TMPRSS5: variants seen among roughly 807,000 people sequenced by gnomAD.
TMPRSS5 encodes transmembrane serine protease 5, also known as transmembrane protease serine 5.
A neutral mutation model predicts 59.7 loss-of-function variants in TMPRSS5; 45 were observed. The observed-to-expected ratio is 0.75, with a 90% CI of 0.59 to 0.97. TMPRSS5 has a LOEUF of 0.97. Among genes scored for constraint, TMPRSS5 ranks in the 50% least tolerant of loss-of-function variants. The probability of loss-of-function intolerance (pLI) is 0.00; values close to 1 mark genes in which losing one functional copy is unlikely to be tolerated. For synonymous variants in TMPRSS5, 225 were observed against 232.0 expected (o/e 0.97, Z 0.27); for missense variants, 585 against 596.7 (o/e 0.98, Z 0.20).
chr11:113,694,673 G>A (rs1279922293), intron 7 of TMPRSS5, 33 bp from the exon 8 acceptor site: 1 of 1,513,980 alleles, frequency 6.6e-7, no homozygotes. Context: ...TAGAAAGAGA[G>A]AGAGAGGTGA....
Position 113,690,240 on chromosome 11 carries a change from A to G in TMPRSS5, c.1197T>C (p.Asp399=). The change falls in exon 11 of 13, where the codon GAT becomes GAC. Residue 399 remains aspartate (D), a synonymous_variant. Transcript: ENST00000299882. Reference sequence around the variant, plus strand: ...CCACCACAGGCCACACCTGGCATGCATCAGCCCTTCCGTCCAGGTAGCCAG... The same window carrying G: ...CCACCACAGGCCACACCTGGCATGCGTCAGCCCTTCCGTCCAGGTAGCCAG... The part of the protein sequence containing the change: ...LCAGYLDGRA[D]ACQGDSGGPL... 1 of 1,515,330 alleles carries G rather than the reference A, an allele frequency of 6.6e-7. No individual in the cohort carries two copies. Among genetic ancestry groups the G allele is most frequent in the Non-Finnish European group, 8.9e-7 (1 of 1,127,820 alleles). The allele number at this position is 1,515,330 out of a possible 1,614,324, so 93.9% of individuals were successfully genotyped here.
chr11:113,699,493 T>C, intron 3 of TMPRSS5, 102 bp downstream of exon 3: 1 of 921,254 alleles, frequency 1.1e-6, no homozygotes, highest in South Asian at 1.6e-5. Flanking sequence ...CTGCACAGAG[T>C]AGTTGAGGAA....
At chr11:113,694,283 A>C (rs1369649714) in intron 8 of TMPRSS5, 195 bp downstream of exon 8, 3 of 451,072 alleles carry the variant, frequency 6.7e-6, no homozygotes, top group Non-Finnish European at 1.2e-5. Flanking sequence ...TAAAGAACAA[A>C]TCTTCATATT....
intron 12 of TMPRSS5, 92 bp from the exon 13 acceptor site, chr11:113,688,366 CT>C: frequency 1.2e-6 from 1 of 860,340 alleles, no homozygotes; most frequent in Non-Finnish European, 1.9e-6. Context: ...CATGCAGGGC[CT>C]TGATTTTCAC....
intron 8 of TMPRSS5, chr11:113,693,672 C>T: frequency 6.3e-6 from 1 of 159,802 alleles, no homozygotes; most frequent in Non-Finnish European, 1.4e-5. Context: ...ACTCTCTGCC[C>T]TGTCCGGCAC....
chr11:113,698,864 T>G (rs1953004422), intron 4 of TMPRSS5, 41 bp downstream of exon 4: 1 of 1,563,268 alleles, frequency 6.4e-7, no homozygotes, highest in East Asian at 2.4e-5. Flanking sequence ...GACAGGTCCC[T>G]GCTGGGGAGG....
At position 113,693,259 on chromosome 11, in the gene TMPRSS5, G is replaced by A; in HGVS notation, c.786-10C>T. On this transcript the variant is annotated splice_polypyrimidine_tract_variant and intron_variant, in intron 8 of 12. Transcript: ENST00000299882. ...GCGGGCCAGCCTGAAACTGCACACA[G>A]GGGCCATGCTGAGCGGGGAAGGAAG... is the stretch of plus-strand genomic sequence containing the variant. 1 of 1,540,974 alleles carries A rather than the reference G, an allele frequency of 6.5e-7. No homozygotes were observed. Among genetic ancestry groups the A allele is most frequent in the Non-Finnish European group, 8.8e-7 (1 of 1,142,132 alleles).
chr11:113,705,652 G>A (rs1426890632), intron 1 of TMPRSS5, among the ~76,000 whole-genome samples: 1 of 152,242 alleles, frequency 6.6e-6, no homozygotes, highest in East Asian at 1.9e-4. Context: ...CCATAAGATA[G>A]TAGAGAAGCA....
intron 5 of TMPRSS5, 111 bp downstream of exon 5, chr11:113,697,172 T>C: frequency 6.8e-7 from 1 of 1,476,688 alleles, no homozygotes; most frequent in Non-Finnish European, 9.2e-7. Context: ...AAAAGACCTC[T>C]TGACATTTCC....
At chr11:113,689,045 G>A (rs1428979912) in intron 12 of TMPRSS5, among the ~76,000 whole-genome samples, 3 of 152,162 alleles carry the variant, frequency 2.0e-5, no homozygotes, top group African/African-American at 2.4e-5. Flanking sequence ...GATGAATGAT[G>A]GTAACAGATA....
At chr11:113,697,967 G>T (rs1437436949) in intron 4 of TMPRSS5, among the ~76,000 whole-genome samples, 4 of 152,166 alleles carry the variant, frequency 2.6e-5, no homozygotes, top group Non-Finnish European at 5.9e-5. Context: ...CCTTTAAGAA[G>T]GTGATTAAGG....
intron 10 of TMPRSS5, among the ~76,000 whole-genome samples, chr11:113,690,580 A>T (rs1952746789): frequency 6.6e-6 from 1 of 151,944 alleles, no homozygotes; most frequent in South Asian, 2.1e-4. Flanking sequence ...TCACACATAC[A>T]CCAAATGTGA....
chr11:113,687,913 C>T lies in TMPRSS5; in HGVS notation c.*347G>A, dbSNP rs1465844275. On this transcript the variant is annotated 3_prime_UTR_variant, in exon 13 of 13. Coordinates refer to ENST00000299882, the MANE Select transcript of TMPRSS5 (RefSeq NM_030770.4). ...ACACAGGGGCAGGGAGGGGAGAGGG[C>T]AGAAGGGCAGGCTTCCTGCTGCTTC... 3.9e-6 allele frequency: 1 copy of T among 254,650 alleles called. No homozygotes were observed. Among genetic ancestry groups the T allele is most frequent in the Non-Finnish European group, 7.4e-6 (1 of 135,870 alleles). 15.8% of individuals were successfully genotyped at this position (254,650 alleles called of 1,614,324 possible).
chr11:113,698,020 AGT>A (rs753370923), intron 4 of TMPRSS5, among the ~76,000 whole-genome samples: 2 of 152,198 alleles, frequency 1.3e-5, no homozygotes, highest in Non-Finnish European at 2.9e-5. Context: ...CAATAGAGCC[AGT>A]GTCCTTATAA....
chr11:113,700,256 A>AC, intron 1 of TMPRSS5, 88 bp from the exon 2 acceptor site: 1 of 1,207,350 alleles, frequency 8.3e-7, no homozygotes, highest in East Asian at 2.7e-5. Flanking sequence ...CCATTCTTTA[A>AC]CCCCAGCCAT....
rs1182483701 is a variant in TMPRSS5, at chr11:113,689,890, G to A, written c.1234C>T (p.Pro412Ser). The change falls in exon 12 of 13, where the codon CCA (proline) becomes TCA (serine). Residue 412 changes from proline to serine, a missense_variant. By Grantham distance (74) the Pro-to-Ser change is moderately conservative. Transcript: ENST00000299882. The part of the protein sequence containing the change: ...QGDSGGPLVC[P>S]DGDTWRLVGV... ...ACTAGGCGCCATGTGTCCCCATCTG[G>A]GCACACTAGGGGGCCCCCGCTATCT... 4 of 1,569,288 alleles carry A rather than the reference G, an allele frequency of 2.5e-6. No individual in the cohort carries two copies. The highest frequency in any genetic ancestry group is 3.5e-6 in the Non-Finnish European group (4 of 1,157,306).
chr11:113,694,433 A>C, intron 8 of TMPRSS5, 45 bp downstream of exon 8: 1 of 1,544,036 alleles, frequency 6.5e-7, no homozygotes, highest in Non-Finnish European at 8.8e-7. Flanking sequence ...GCCGAACAGA[A>C]AGGGCAACTG....
chr11:113,695,502 T>A, intron 6 of TMPRSS5, 59 bp from the exon 7 acceptor site: 1 of 1,566,472 alleles, frequency 6.4e-7, no homozygotes, highest in Middle Eastern at 1.7e-4. Context: ...GCCACACACA[T>A]CCAAGGACGT....
intron 7 of TMPRSS5, 110 bp from the exon 8 acceptor site, chr11:113,694,750 C>CT: frequency 1.8e-6 from 2 of 1,097,948 alleles, no homozygotes; most frequent in Non-Finnish European, 2.5e-6. Context: ...CCAGTGTGGA[C>CT]AGCTCTCCTT....
Sources: gnomAD v4.1 joint callset for allele counts (sites outside exome capture counted in the v4.1 genomes callset) on GRCh38, gnomAD v4.1.1 for gene constraint, MANE v1.5 for transcripts, NCBI Gene and HGNC (gene_info 2026-07-23, HGNC 2026-07-21) for gene names.